The following ADGRL2 variants were observed in gnomAD, a reference collection of about 807,000 sequenced individuals.
ADGRL2 encodes the protein calcium-independent alpha-latrotoxin receptor 2.
In ADGRL2, 44 loss-of-function variants were observed where a neutral mutation model predicts 157.4. The observed-to-expected ratio is 0.28, with a 90% confidence interval of 0.22 to 0.36. The LOEUF (loss-of-function observed/expected upper bound fraction) is 0.36, where lower values mean the gene tolerates loss of function less well. Ranked by LOEUF, ADGRL2 falls within the 10% of genes least tolerant of loss-of-function variation. The probability of loss-of-function intolerance (pLI) is 1.00; values close to 1 mark genes in which losing one functional copy is unlikely to be tolerated. For missense variants in ADGRL2, 1,510 were observed against 1,768.9 expected (o/e 0.85, Z 2.63); for synonymous variants, 585 against 624.7 (o/e 0.94, Z 0.95).
chr1:81,567,477 CG>C (rs1285351256), intron 2 of ADGRL2, among the ~76,000 whole-genome samples: 3 of 151,996 alleles, frequency 2.0e-5, no homozygotes, highest in African/African-American at 7.2e-5. Flanking sequence ...GTAGGGCACT[CG>C]GTACTTATCC....
At chr1:81,505,880 C>A (rs1317268744) in intron 2 of ADGRL2, 3 of 332,982 alleles carry the variant, frequency 9.0e-6, no homozygotes, top group Non-Finnish European at 1.8e-5. Context: ...AATGTCATTA[C>A]ACAATTTTCA....
At chr1:81,923,378 C>T (rs919050166) in intron 3 of ADGRL2, among the ~76,000 whole-genome samples, 13 of 152,084 alleles carry the variant, frequency 8.5e-5, no homozygotes, top group Non-Finnish European at 1.9e-4. Flanking sequence ...AGGTGAGACT[C>T]CATTAATCTG....
At position 81,433,679 on chromosome 1, in the gene ADGRL2, A is replaced by G. The variant is rs988643618; in HGVS notation, c.-301-11357A>G. ...TTTTCTCATTTGTAAAAGGAAAATTATAATTGTTCCAATTATTCTTTGCTG... is the reference window on the plus strand; with the variant it reads ...TTTTCTCATTTGTAAAAGGAAAATTGTAATTGTTCCAATTATTCTTTGCTG... On this transcript the variant is annotated intron_variant, in intron 1 of 24. Transcript: ENST00000370721. Among the ~76,000 whole-genome samples, 3 of 152,222 alleles carry G rather than the reference A, an allele frequency of 2.0e-5. No homozygotes were observed. In the South Asian group the frequency reaches 6.2e-4, roughly 32 times the overall value.
At chr1:81,419,152 CTG>C (rs2077083181) in intron 1 of ADGRL2, among the ~76,000 whole-genome samples, 1 of 150,848 alleles carries the variant, frequency 6.6e-6, no homozygotes, top group Non-Finnish European at 1.5e-5. Context: ...TACTTCTGGA[CTG>C]TTTCTTTATT....
At chr1:81,557,475 A>AAGAAAGG (rs1165921140) in intron 2 of ADGRL2, 1 of 9,736 alleles carries the variant, frequency 1.0e-4, no homozygotes, top group African/African-American at 3.7e-4. Context: ...AAGAAGAAAG[A>AAGAAAGG]AAGAAAGAAG....
chr1:81,380,688 A>C (rs985091703), intron 1 of ADGRL2, among the ~76,000 whole-genome samples: 2 of 152,184 alleles, frequency 1.3e-5, no homozygotes, highest in African/African-American at 4.8e-5. Flanking sequence ...AAATAATAAC[A>C]TCTATTGCTA....
chr1:81,358,850 T>C (rs2075918625), intron 1 of ADGRL2, among the ~76,000 whole-genome samples: 1 of 152,102 alleles, frequency 6.6e-6, no homozygotes, highest in South Asian at 2.1e-4. Flanking sequence ...ATCAGTTCTA[T>C]ACAGAAGAAT....
At chr1:81,684,941 G>T (rs886429406) in intron 3 of ADGRL2, among the ~76,000 whole-genome samples, 2 of 152,050 alleles carry the variant, frequency 1.3e-5, no homozygotes, top group South Asian at 4.2e-4. Context: ...AGATCAGTTG[G>T]CTGTAAGTAT....
At chr1:81,959,678 TA>T (rs369724532) in intron 11 of ADGRL2, among the ~76,000 whole-genome samples, 57 of 152,274 alleles carry the variant, frequency 3.7e-4, no homozygotes, top group African/African-American at 1.4e-3. Flanking sequence ...TATCACACTT[TA>T]AAAAAATAAC....
chr1:81,571,094 G>A (rs913833167), intron 2 of ADGRL2, among the ~76,000 whole-genome samples: 2 of 152,036 alleles, frequency 1.3e-5, no homozygotes, highest in Admixed American at 1.3e-4. Context: ...GGAGGCTGAG[G>A]CGGGCAGATC....
intron 3 of ADGRL2, among the ~76,000 whole-genome samples, chr1:81,656,587 G>A (rs2082537889): frequency 6.6e-6 from 1 of 152,112 alleles, no homozygotes; most frequent in Admixed American, 6.5e-5. Flanking sequence ...GTTGGCTAAG[G>A]TAATTTTCAC....
At chr1:81,886,645 T>C (rs2094135429) in intron 2 of ADGRL2, among the ~76,000 whole-genome samples, 1 of 152,228 alleles carries the variant, frequency 6.6e-6, no homozygotes, top group Admixed American at 6.5e-5. Context: ...TTTGCAGATG[T>C]AACTCAGTTG....
chr1:81,678,038 T>G (rs2083032088), intron 3 of ADGRL2, among the ~76,000 whole-genome samples: 1 of 152,192 alleles, frequency 6.6e-6, no homozygotes, highest in Non-Finnish European at 1.5e-5. Context: ...TGTGAACAAC[T>G]ATTCATCTTT....
intron 2 of ADGRL2, among the ~76,000 whole-genome samples, chr1:81,468,083 G>A (rs141876409): frequency 1.3e-5 from 2 of 151,992 alleles, no homozygotes; most frequent in Admixed American, 6.6e-5. Context: ...TGGTTTTCTC[G>A]AAGATTGAAA....
intron 1 of ADGRL2, among the ~76,000 whole-genome samples, chr1:81,309,923 C>A (rs559774809): frequency 1.3e-5 from 2 of 152,286 alleles, no homozygotes; most frequent in Non-Finnish European, 2.9e-5. Context: ...CCTTTCCTAG[C>A]AACTCCATTG....
intron 2 of ADGRL2, among the ~76,000 whole-genome samples, chr1:81,522,309 G>A (rs79502638): frequency 0.018 from 2,773 of 152,070 alleles, 74 homozygotes; most frequent in African/African-American, 0.064. Context: ...ATCAGTGCTA[G>A]GAATTGATGG....
At chr1:81,568,474 T>C (rs1340134820) in intron 2 of ADGRL2, among the ~76,000 whole-genome samples, 2 of 152,168 alleles carry the variant, frequency 1.3e-5, no homozygotes, top group Non-Finnish European at 2.9e-5. Flanking sequence ...AATCACTGGA[T>C]TAAACTTGTA....
rs1659535516 is a variant in ADGRL2 at position 81,308,904 on chromosome 1, A to G, written c.-302+2395A>G. On this transcript the variant is annotated intron_variant, in intron 1 of 24. Coordinates refer to the ADGRL2 transcript ENST00000370721. The stretch of plus-strand genomic sequence containing the variant: ...CAAGCAACTGTTCAAGACAAGTTAC[A>G]TTTTACTCCATTTTAGTGTGCCTTG... Among the ~76,000 whole-genome samples the G allele has an allele frequency of 2.0e-5, 3 of 152,132 alleles. No individual in the cohort carries two copies. The South Asian group carries it at 6.2e-4, about 32-fold the overall frequency.
At chr1:81,572,143 G>A (rs552535452) in intron 2 of ADGRL2, among the ~76,000 whole-genome samples, 14 of 152,328 alleles carry the variant, frequency 9.2e-5, no homozygotes, top group Admixed American at 8.5e-4. Context: ...TAATTGGTGA[G>A]GAATTTATTG....
Sources: gnomAD v4.1 joint callset for allele counts (sites outside exome capture counted in the v4.1 genomes callset) on GRCh38, gnomAD v4.1.1 for gene constraint, MANE v1.5 for transcripts, NCBI Gene and HGNC (gene_info 2026-07-23, HGNC 2026-07-21) for gene names.